The following PLXNA4 variants were observed in gnomAD, a reference collection of about 807,000 sequenced individuals.
The protein encoded by PLXNA4 is plexin A4.
Under a neutral mutation model 191.8 loss-of-function variants are expected in PLXNA4, and 44 were observed. The ratio of observed to expected loss-of-function variants is 0.23; its 90% CI spans 0.18 to 0.29. PLXNA4 has a LOEUF of 0.29. Among genes scored for constraint, PLXNA4 ranks in the 10% least tolerant of loss-of-function variants. The pLI is 1.00. For synonymous variants in PLXNA4, 1,082 were observed against 1,009.5 expected, an observed-to-expected ratio of 1.07 and a Z score of -1.36; for missense variants, 1,800 against 2,488.8, an observed-to-expected ratio of 0.72 and a Z score of 5.89.
intron 3 of PLXNA4, among the ~76,000 whole-genome samples, chr7:132,403,948 G>A (rs1794104848): frequency 6.6e-6 from 1 of 152,274 alleles, no homozygotes; most frequent in East Asian, 1.9e-4. Context: ...AGTAGGGGCG[G>A]GACTCAGGAA....
At chr7:132,152,078 G>A (rs2116599315) in intron 25 of PLXNA4, among the ~76,000 whole-genome samples, 1 of 152,266 alleles carries the variant, frequency 6.6e-6, no homozygotes, top group South Asian at 2.1e-4. Flanking sequence ...ATCAGATAGT[G>A]GGCATGGGCT....
At chr7:132,385,258 T>C in intron 3 of PLXNA4, 2 of 1,614,108 alleles carry the variant, frequency 1.2e-6, no homozygotes, top group Non-Finnish European at 1.7e-6. Context: ...GGGTCCCGTC[T>C]GTAGCTCAAG....
chr7:132,214,464 C>T (rs1349296431), intron 9 of PLXNA4, among the ~76,000 whole-genome samples: 1 of 152,078 alleles, frequency 6.6e-6, no homozygotes, highest in East Asian at 1.9e-4. Context: ...TGCTGATTGA[C>T]CCCAGTGTCC....
chr7:132,611,317 G>T (rs972960170), intron 2 of PLXNA4, among the ~76,000 whole-genome samples: 2 of 152,190 alleles, frequency 1.3e-5, no homozygotes, highest in Non-Finnish European at 2.9e-5. Flanking sequence ...CTAAAGAAAT[G>T]AAAGGTGTTT....
intron 1 of PLXNA4, among the ~76,000 whole-genome samples, chr7:132,566,304 T>TCTCACA (rs1801721792): frequency 6.6e-6 from 1 of 151,530 alleles, no homozygotes; most frequent in African/African-American, 2.4e-5. Flanking sequence ...CCTCTCTCTC[T>TCTCACA]CACACACACA....
chr7:132,474,257 C>CACACACAT (rs1220851188), intron 3 of PLXNA4, among the ~76,000 whole-genome samples: 1 of 135,480 alleles, frequency 7.4e-6, no homozygotes, highest in African/African-American at 2.7e-5. Context: ...CACACACACA[C>CACACACAT]ATGCACACAC....
chr7:132,317,044 C>T (rs62465034), intron 3 of PLXNA4, among the ~76,000 whole-genome samples: 25,042 of 151,810 alleles, frequency 0.16, 2,576 homozygotes, highest in Admixed American at 0.26. Flanking sequence ...TTGTGTTAGA[C>T]TGGATTTATT....
intron 1 of PLXNA4, among the ~76,000 whole-genome samples, chr7:132,530,643 T>G (rs1259450403): frequency 6.6e-6 from 1 of 152,212 alleles, no homozygotes; most frequent in Non-Finnish European, 1.5e-5. Context: ...CTGGTGAAAG[T>G]GTAAAATGGT....
intron 4 of PLXNA4, among the ~76,000 whole-genome samples, chr7:132,270,346 C>T (rs548881003): frequency 1.3e-5 from 2 of 152,140 alleles, no homozygotes; most frequent in African/African-American, 2.4e-5. Context: ...AATTATAGAC[C>T]GATTGAGGTC....
At chr7:132,391,805 G>A (rs1049620970) in intron 3 of PLXNA4, among the ~76,000 whole-genome samples, 1 of 152,146 alleles carries the variant, frequency 6.6e-6, no homozygotes, top group Admixed American at 6.5e-5. Flanking sequence ...ATCTTTGGAG[G>A]GCACAAGGCT....
At chr7:132,167,147 G>T (rs1393418062) in intron 22 of PLXNA4, among the ~76,000 whole-genome samples, 1 of 152,164 alleles carries the variant, frequency 6.6e-6, no homozygotes, top group South Asian at 2.1e-4. Context: ...AAGGCCAAAG[G>T]TATTGGAATA....
intron 3 of PLXNA4, among the ~76,000 whole-genome samples, chr7:132,392,443 A>G (rs1043593631): frequency 6.6e-6 from 1 of 152,106 alleles, no homozygotes; most frequent in Non-Finnish European, 1.5e-5. Flanking sequence ...GTTTCTCCCA[A>G]TCTGTCCTCA....
intron 3 of PLXNA4, among the ~76,000 whole-genome samples, chr7:132,480,839 C>A (rs1797305713): frequency 6.6e-6 from 1 of 152,170 alleles, no homozygotes; most frequent in Non-Finnish European, 1.5e-5. Flanking sequence ...GATGTGAGAG[C>A]AGCCATGGAG....
At chr7:132,453,740 C>G (rs1206080482) in intron 3 of PLXNA4, among the ~76,000 whole-genome samples, 1 of 152,132 alleles carries the variant, frequency 6.6e-6, no homozygotes, top group Non-Finnish European at 1.5e-5. Context: ...TGGGGTTTCA[C>G]CATGTTGGCC....
intron 2 of PLXNA4, among the ~76,000 whole-genome samples, chr7:132,497,459 T>C (rs935908141): frequency 2.8e-4 from 43 of 152,312 alleles, no homozygotes; most frequent in African/African-American, 1.0e-3. Context: ...GTGGAGAGTG[T>C]CCACAGGGAG....
intron 3 of PLXNA4, among the ~76,000 whole-genome samples, chr7:132,299,577 A>G (rs905516317): frequency 6.6e-6 from 1 of 152,186 alleles, no homozygotes; most frequent in African/African-American, 2.4e-5. Flanking sequence ...TTCAAGCTTC[A>G]TGGACATCAG....
chr7:132,168,292 C>G lies in PLXNA4; in HGVS notation c.4286+12G>C, dbSNP rs778267580. 6.5e-7 allele frequency: 1 copy of G among 1,527,346 alleles called. No individual in the cohort carries two copies. Among genetic ancestry groups the G allele is most frequent in the African/African-American group, 1.4e-5 (1 of 72,730 alleles). The allele number at this position is 1,527,346 out of a possible 1,614,324, so 94.6% of individuals were successfully genotyped here. The stretch of plus-strand genomic sequence containing the variant: ...CTAGGCTGGAGCAGGGTGCCCCAGA[C>G]TGCACCCTCACCTCCTGAGCAGCAG... On this transcript the variant is annotated intron_variant, in intron 22 of 31. Transcript: ENST00000321063.
chr7:132,224,800 G>C (rs1798260073), intron 8 of PLXNA4, among the ~76,000 whole-genome samples: 1 of 152,112 alleles, frequency 6.6e-6, no homozygotes, highest in African/African-American at 2.4e-5. Context: ...TTCTTACTTG[G>C]GGCCCCAAAG....
At chr7:132,422,098 T>A (rs867146321) in intron 3 of PLXNA4, among the ~76,000 whole-genome samples, 1 of 152,186 alleles carries the variant, frequency 6.6e-6, no homozygotes, top group Non-Finnish European at 1.5e-5. Flanking sequence ...AATGATTTGC[T>A]CAGTTGGTTA....
Sources: allele counts gnomAD v4.1 joint callset (sites outside exome capture counted in the v4.1 genomes callset), GRCh38; gene constraint gnomAD v4.1.1; transcripts MANE v1.5; gene names NCBI Gene and HGNC (gene_info 2026-07-23, HGNC 2026-07-21).